Variants in NPDC1 observed in about 807,000 individuals in gnomAD.
NPDC1 encodes neural proliferation differentiation and control protein 1.
A neutral mutation model predicts 32.5 loss-of-function variants in NPDC1; 18 were observed. The observed-to-expected ratio is 0.55, with a 90% CI of 0.38 to 0.82. The LOEUF is 0.82. Among genes scored for constraint, NPDC1 ranks in the 40% least tolerant of loss-of-function variants. The pLI is 0.00. For synonymous variants in NPDC1, 210 were observed against 184.7 expected, an observed-to-expected ratio of 1.14 and a Z score of -1.11; for missense variants, 468 against 406.6, an observed-to-expected ratio of 1.15 and a Z score of -1.30.
rs146680161 is a variant in NPDC1, at chr9:137,040,468, C to T, written c.709-32G>A. On this transcript the variant is annotated intron_variant, in intron 6 of 8. Transcript: ENST00000371601. The stretch of plus-strand genomic sequence containing the variant: ...GAAGGAGGAGGCGAGGGTCAGTTGG[C>T]GGCCAGAGTTGGGCGGGAGCCTCAG... 1,708 of 1,568,006 alleles carry T rather than the reference C, an allele frequency of 1.1e-3. 27 individuals carry two copies. The East Asian group carries it at 0.031, about 28-fold the overall frequency.
At chr9:137,040,266 G>A (rs969620974) in intron 7 of NPDC1, 91 bp downstream of exon 7, 28 of 1,245,778 alleles carry the variant, frequency 2.2e-5, no homozygotes, top group African/African-American at 3.0e-5. Context: ...CAGGGCCTGG[G>A]GTAAAGTTGG....
In NPDC1 at chr9:137,040,435, G is replaced by A. The variant is rs140988877; in HGVS notation, c.710C>T (p.Pro237Leu). 3,728 of 1,554,898 alleles carry A rather than the reference G, an allele frequency of 2.4e-3. 8 individuals carry two copies. The highest frequency in any genetic ancestry group is 2.9e-3 in the Non-Finnish European group (3,386 of 1,150,604). Residue 237 changes from proline to leucine, a missense_variant and splice_region_variant, in exon 7 of 9, where the codon CCT becomes CTT. Coordinates refer to ENST00000371601, the MANE Select transcript of NPDC1 (RefSeq NM_015392.4). ...GCTCTGTGCCAGCCGCTGGTCCCCA[G>A]GCTGTGGGAAGGAGGAGGCGAGGGT... ...PGSPAAPRIS[P>L]GDQRLAQSAE... is the part of the protein sequence containing the mutation.
intron 1 of NPDC1, chr9:137,043,658 GAC>G (rs1173475312): frequency 6.8e-6 from 3 of 441,430 alleles, no homozygotes; most frequent in Admixed American, 7.5e-5. Context: ...ACTGGCCTCA[GAC>G]ACAGAACCCA....
chr9:137,040,206 A>C (rs1832024957), intron 7 of NPDC1, 139 bp from the exon 8 acceptor site: 1 of 756,096 alleles, frequency 1.3e-6, no homozygotes, highest in Non-Finnish European at 2.2e-6. Context: ...AGGGGAGGTG[A>C]GGGTGCAGGG....
At position 137,039,801 on chromosome 9, in the gene NPDC1, C is replaced by T; in HGVS notation, c.949G>A (p.Ala317Thr). 1 of 776,142 alleles carries T rather than the reference C, an allele frequency of 1.3e-6. No individual in the cohort carries two copies. Among genetic ancestry groups the T allele is most frequent in the Middle Eastern group, 2.3e-4 (1 of 4,418 alleles). 48.1% of individuals were successfully genotyped at this position (776,142 alleles called of 1,614,324 possible). Residue 317 changes from alanine (A) to threonine (T), a missense_variant, in exon 9 of 9, where the codon GCC (alanine) becomes ACC (threonine). Ala to Thr is a moderately conservative substitution (Grantham distance 58). Coordinates refer to ENST00000371601, the MANE Select transcript of NPDC1 (RefSeq NM_015392.4). ...GGCAGTGCAGGCGGTGAGCTGGGGG[C>T]CGGCAGGGGCGCGGACAGTGCGGCG... ...DHAALSAPLP[A>T]PSSPPALP
In NPDC1 at chr9:137,041,055, G is replaced by A. The variant is rs777852493; in HGVS notation, c.385+7C>T. The stretch of plus-strand genomic sequence containing the variant: ...GGGCCGTGGGGCAGGGGAAGCGGGG[G>A]TCTCACCAGGCTCCGGGAGCCGCTG... On this transcript the variant is annotated splice_region_variant and intron_variant, in intron 3 of 8. Transcript: ENST00000371601. 21 of 1,520,330 alleles carry A rather than the reference G, an allele frequency of 1.4e-5. No homozygotes were observed. The highest frequency in any genetic ancestry group is 1.7e-5 in the Non-Finnish European group (19 of 1,135,770). The allele number at this position is 1,520,330 out of a possible 1,614,324, so 94.2% of individuals were successfully genotyped here.
Position 137,040,085 on chromosome 9 carries a change from G to A in NPDC1, c.789-18C>T, listed in dbSNP as rs746276301. ...CTTTATGCCTGGGTGGGGGGGGATC[G>A]CTGGGTCCTCCCCATGCCCTCGAGG... is the stretch of plus-strand genomic sequence containing the variant. On this transcript the variant is annotated intron_variant, in intron 7 of 8. Coordinates refer to ENST00000371601, the MANE Select transcript of NPDC1 (RefSeq NM_015392.4). The A allele has an allele frequency of 1.1e-4, 82 of 773,862 alleles. No homozygotes were observed. Among genetic ancestry groups the A allele is most frequent in the Non-Finnish European group, 1.6e-4 (65 of 416,976 alleles). 47.9% of individuals were successfully genotyped at this position (773,862 alleles called of 1,614,324 possible). A position where few individuals can be genotyped will look rare whatever the true frequency, so the allele number is the denominator to read the frequency against.
At chr9:137,043,180 C>T in intron 1 of NPDC1, 107 bp from the exon 2 acceptor site, 1 of 1,304,226 alleles carries the variant, frequency 7.7e-7, no homozygotes, top group Non-Finnish European at 1.1e-6. Context: ...CCCGAGCTGG[C>T]CGGGCCTGGT....
At chr9:137,042,306 T>G (rs1163681958) in intron 2 of NPDC1, among the ~76,000 whole-genome samples, 1 of 151,602 alleles carries the variant, frequency 6.6e-6, no homozygotes, top group Non-Finnish European at 1.5e-5. Flanking sequence ...CAGGCTGGAG[T>G]GCAGTGGCGC....
rs569639961 is a variant in NPDC1, at chr9:137,040,794, C to T, written c.556+20G>A. On this transcript the variant is annotated intron_variant, in intron 4 of 8. Transcript: ENST00000371601. ...TGCAGGGCGCCCTGCTGCCCCTGCC[C>T]ACCCCCGACCAAGACCTACCAAGGG... 19 of 1,585,804 alleles carry T rather than the reference C, an allele frequency of 1.2e-5. No individual in the cohort carries two copies. The South Asian group carries it at 1.7e-4, about 14-fold the overall frequency.
In NPDC1 at chr9:137,045,918, G is replaced by A. The variant is rs1261220245; in HGVS notation, c.72C>T (p.Val24=). ...CGGCTCCACGCAGGGCGGCGCCGAG[G>A]ACGAGGCCGGAGAGCAGCAGCCGCA... ...RLLRLLLSGL[V]LGAALRGAAA... The change falls in exon 1 of 9, where the codon GTC becomes GTT. Residue 24 remains valine (V), a synonymous_variant. Coordinates refer to ENST00000371601, the MANE Select transcript of NPDC1 (RefSeq NM_015392.4). 21 of 1,165,352 alleles carry A rather than the reference G, an allele frequency of 1.8e-5. No individual in the cohort carries two copies. The highest frequency in any genetic ancestry group is 3.9e-5 in the East Asian group (1 of 25,772). The allele number at this position is 1,165,352 out of a possible 1,614,324, so 72.2% of individuals were successfully genotyped here.
intron 2 of NPDC1, among the ~76,000 whole-genome samples, chr9:137,042,556 CTTCTT>C (rs1372346004): frequency 7.4e-5 from 9 of 121,334 alleles, no homozygotes; most frequent in Admixed American, 4.9e-4. Context: ...TGCTCCCGGC[CTTCTT>C]TTTTTTTTTT....
chr9:137,039,892 G>C (rs1485172890), intron 8 of NPDC1, 28 bp from the exon 9 acceptor site: 1 of 779,278 alleles, frequency 1.3e-6, no homozygotes, highest in South Asian at 1.3e-5. Context: ...AGGCTGGGCA[G>C]TGGGTGGGCT....
At chr9:137,042,337 T>C (rs1214182736) in intron 2 of NPDC1, among the ~76,000 whole-genome samples, 6 of 151,378 alleles carry the variant, frequency 4.0e-5, no homozygotes, top group African/African-American at 1.5e-4. Context: ...CACTGCAAGC[T>C]CTGCCTCCCG....
chr9:137,040,988 C>T lies in NPDC1; in HGVS notation c.386-4G>A, dbSNP rs369423073. 1.2e-5 allele frequency: 18 copies of T among 1,531,730 alleles called. No individual in the cohort carries two copies. The highest frequency in any genetic ancestry group is 1.7e-4 in the Middle Eastern group (1 of 5,724). The allele number at this position is 1,531,730 out of a possible 1,614,324, so 94.9% of individuals were successfully genotyped here. ...CGTGCCGAGAAGCCCAGGGTGGCTGCGAGAGAGGACAGGTTAGAATGAGAG... is the reference window on the plus strand; with the variant it reads ...CGTGCCGAGAAGCCCAGGGTGGCTGTGAGAGAGGACAGGTTAGAATGAGAG... On this transcript the variant is annotated splice_region_variant and splice_polypyrimidine_tract_variant and intron_variant, in intron 3 of 8. Coordinates refer to ENST00000371601, the MANE Select transcript of NPDC1 (RefSeq NM_015392.4).
In NPDC1 at chr9:137,046,146, G is replaced by C; in HGVS notation, c.-157C>G. 3 of 1,098,084 alleles carry C rather than the reference G, an allele frequency of 2.7e-6. No individual in the cohort carries two copies. The highest frequency in any genetic ancestry group is 3.3e-6 in the Non-Finnish European group (3 of 901,764). The allele number at this position is 1,098,084 out of a possible 1,614,324, so 68.0% of individuals were successfully genotyped here. A position where few individuals can be genotyped will look rare whatever the true frequency, so the allele number is the denominator to read the frequency against. On this transcript the variant is annotated 5_prime_UTR_variant, in exon 1 of 9. Coordinates refer to ENST00000371601, the MANE Select transcript of NPDC1 (RefSeq NM_015392.4). ...GGAGGAGGAGGAAGAGGAAAGGCACGGGCGGCGGCGCTGACGCTGCAGCAA... is the reference window on the plus strand; with the variant it reads ...GGAGGAGGAGGAAGAGGAAAGGCACCGGCGGCGGCGCTGACGCTGCAGCAA...
chr9:137,041,428 A>T (rs1200744596), intron 2 of NPDC1, among the ~76,000 whole-genome samples: 1 of 152,168 alleles, frequency 6.6e-6, no homozygotes, highest in Non-Finnish European at 1.5e-5. Flanking sequence ...AAGACCGGGC[A>T]CGGGGAGGAA....
intron 2 of NPDC1, 49 bp downstream of exon 2, chr9:137,042,878 G>C (rs1469883637): frequency 6.5e-7 from 1 of 1,547,584 alleles, no homozygotes; most frequent in Admixed American, 2.0e-5. Flanking sequence ...TACAGGGAGA[G>C]GTTCATGCAG....
rs1333269593 is a variant in NPDC1, at chr9:137,040,700, G to A, written c.594C>T (p.Ala198=). ...ILAFCVAGAA[A]LSVASLCWCR... ...ACCAGCAGAGGGAGGCTACGGAGAG[G>A]GCGGCTGCACCGGCCACACAGAACG... Residue 198 remains alanine, a synonymous_variant, in exon 5 of 9, where the codon GCC becomes GCT. Coordinates refer to ENST00000371601, the MANE Select transcript of NPDC1 (RefSeq NM_015392.4). 5.0e-6 allele frequency: 8 copies of A among 1,586,996 alleles called. No individual in the cohort carries two copies. The highest frequency in any genetic ancestry group is 2.3e-5 in the East Asian group (1 of 44,158).
Sources: allele counts gnomAD v4.1 joint callset (sites outside exome capture counted in the v4.1 genomes callset), GRCh38; gene constraint gnomAD v4.1.1; transcripts MANE v1.5; gene names NCBI Gene and HGNC (gene_info 2026-07-23, HGNC 2026-07-21).